The following GOSR1 variants were observed in gnomAD, a reference collection of about 807,000 sequenced individuals.
The protein encoded by GOSR1 is golgi SNAP receptor complex member 1, also known as 28 kDa Golgi SNARE protein.
Under a neutral mutation model 35.5 loss-of-function variants are expected in GOSR1, and 21 were observed. The ratio of observed to expected loss-of-function variants is 0.59; its 90% confidence interval spans 0.42 to 0.85. The LOEUF is 0.85. Ranked by LOEUF, GOSR1 falls within the 40% of genes least tolerant of loss-of-function variation. GOSR1 has a pLI of 0.00. For synonymous variants in GOSR1, 94 were observed against 106.6 expected, an observed-to-expected ratio of 0.88 and a Z score of 0.73; for missense variants, 285 against 309.6, an observed-to-expected ratio of 0.92 and a Z score of 0.60.
intron 6 of GOSR1, among the ~76,000 whole-genome samples, chr17:30,494,988 G>A (rs1412092765): frequency 6.7e-6 from 1 of 149,922 alleles, no homozygotes; most frequent in East Asian, 2.0e-4. Flanking sequence ...AAGATATATG[G>A]CTTTTTCTGG....
rs573688626 is a variant in GOSR1, at chr17:30,495,822, C to T, written c.509+3069C>T. ...CAGCCCAATCCAGTCTGTTGTTCTA[C>T]TTCTGTATGAGAGGGCTAAAGAAAA... On this transcript the variant is annotated intron_variant, in intron 6 of 8. Coordinates refer to ENST00000451249, the MANE Select transcript of GOSR1 (RefSeq NM_001007025.2). Among the ~76,000 whole-genome samples, 13 of 152,350 alleles carry T rather than the reference C, an allele frequency of 8.5e-5. No individual in the cohort carries two copies. The East Asian group carries it at 1.7e-3, about 20-fold the overall frequency.
chr17:30,482,846 A>C (rs955451235), intron 2 of GOSR1: 1 of 152,178 alleles, frequency 6.6e-6, no homozygotes, highest in East Asian at 1.9e-4. Flanking sequence ...CTTTCTATGC[A>C]TTTTCTATGT....
rs1362406392 is a variant in GOSR1, at chr17:30,480,609, G to A, written c.32-534G>A. On this transcript the variant is annotated intron_variant, in intron 1 of 8. Coordinates refer to ENST00000451249, the MANE Select transcript of GOSR1 (RefSeq NM_001007025.2). ...CTAGCCATCTTTGGAGTAAAGCTGC[G>A]AAGTTGCATCTACCATTACTATTTC... Among the ~76,000 whole-genome samples, 5 of 152,062 alleles carry A rather than the reference G, an allele frequency of 3.3e-5. No individual in the cohort carries two copies. In the South Asian group the frequency reaches 6.2e-4, roughly 19 times the overall value.
intron 1 of GOSR1, 69 bp downstream of exon 1, chr17:30,477,533 GA>G: frequency 6.5e-7 from 1 of 1,547,280 alleles, no homozygotes; most frequent in Non-Finnish European, 8.8e-7. Context: ...CAGATCTTGG[GA>G]GAAGCAGCAC....
At chr17:30,508,004 A>C (rs1967469634) in intron 6 of GOSR1, among the ~76,000 whole-genome samples, 1 of 152,170 alleles carries the variant, frequency 6.6e-6, no homozygotes, top group African/African-American at 2.4e-5. Flanking sequence ...CTGGGGGCAA[A>C]ATGCTACCAA....
chr17:30,508,991 T>C (rs1474402561), intron 6 of GOSR1, among the ~76,000 whole-genome samples: 1 of 152,128 alleles, frequency 6.6e-6, no homozygotes, highest in Non-Finnish European at 1.5e-5. Context: ...TTTTTTTTTT[T>C]CCTGAGACGG....
At chr17:30,522,218 T>A in intron 8 of GOSR1, 36 bp from the exon 9 acceptor site, 1 of 1,561,018 alleles carries the variant, frequency 6.4e-7, no homozygotes, top group Non-Finnish European at 8.7e-7. Context: ...CAGAGAGGCT[T>A]CTTCCAAATA....
chr17:30,492,531 G>A (rs1915111308), intron 5 of GOSR1, 148 bp from the exon 6 acceptor site: 2 of 537,606 alleles, frequency 3.7e-6, no homozygotes, highest in East Asian at 6.0e-5. Context: ...ACATTTTTCA[G>A]AGGGAAATGC....
Position 30,492,772 on chromosome 17 carries a change from T to G in GOSR1, c.509+19T>G. ...TTCGAAAGTAGGTATTGAATGTATG[T>G]GCATTATGTGGTTTTCCACGTTTAT... On this transcript the variant is annotated intron_variant, in intron 6 of 8. Transcript: ENST00000451249. 1 of 1,406,060 alleles carries G rather than the reference T, an allele frequency of 7.1e-7. No individual in the cohort carries two copies. The highest frequency in any genetic ancestry group is 2.3e-5 in the East Asian group (1 of 43,820). The allele number at this position is 1,406,060 out of a possible 1,614,324, so 87.1% of individuals were successfully genotyped here.
At chr17:30,484,123 T>C (rs1162423775) in intron 2 of GOSR1, 91 bp from the exon 3 acceptor site, 1 of 745,234 alleles carries the variant, frequency 1.3e-6, no homozygotes, top group Non-Finnish European at 2.5e-6. Context: ...ATAATTCATT[T>C]TATGGCTCCT....
intron 6 of GOSR1, among the ~76,000 whole-genome samples, chr17:30,501,277 G>A (rs2143780930): frequency 6.6e-6 from 1 of 152,220 alleles, no homozygotes; most frequent in Admixed American, 6.5e-5. Flanking sequence ...TTAAGCATGT[G>A]AAAAGATACT....
At chr17:30,517,934 TC>T (rs1171556558) in intron 7 of GOSR1, among the ~76,000 whole-genome samples, 2 of 152,204 alleles carry the variant, frequency 1.3e-5, no homozygotes, top group African/African-American at 4.8e-5. Flanking sequence ...CCCAGATAGA[TC>T]CAGCTATGAG....
chr17:30,499,104 T>C (rs935867239), intron 6 of GOSR1, among the ~76,000 whole-genome samples: 2 of 152,218 alleles, frequency 1.3e-5, no homozygotes, highest in African/African-American at 4.8e-5. Flanking sequence ...AATGAATTCA[T>C]ACAGTCTGCA....
At chr17:30,508,447 C>T (rs1475813585) in intron 6 of GOSR1, among the ~76,000 whole-genome samples, 6 of 152,118 alleles carry the variant, frequency 3.9e-5, no homozygotes, top group African/African-American at 1.4e-4. Context: ...AGGTATTAAC[C>T]CAAGTTAACC....
intron 6 of GOSR1, among the ~76,000 whole-genome samples, chr17:30,495,768 T>C (rs557665721): frequency 1.6e-4 from 24 of 152,380 alleles, no homozygotes; most frequent in African/African-American, 5.8e-4. Context: ...CCTGTGCCCC[T>C]GTCTTCCTGC....
At chr17:30,502,925 T>A (rs1385507777) in intron 6 of GOSR1, among the ~76,000 whole-genome samples, 7 of 152,234 alleles carry the variant, frequency 4.6e-5, no homozygotes, top group African/African-American at 1.7e-4. Context: ...ATCTTAAGGA[T>A]CTCTCTGGTT....
At position 30,524,412 on chromosome 17, in the gene GOSR1, T is replaced by C. The variant is rs1198857730; in HGVS notation, c.*2034T>C. On this transcript the variant is annotated 3_prime_UTR_variant, in exon 9 of 9. Coordinates refer to ENST00000451249, the MANE Select transcript of GOSR1 (RefSeq NM_001007025.2). Reference sequence around the variant, plus strand: ...CAGCTTCAGCATGTTTGAGGTTGTCTGAAATGGAGATCACTGTAAAACTGT... The same window carrying C: ...CAGCTTCAGCATGTTTGAGGTTGTCCGAAATGGAGATCACTGTAAAACTGT... 2 of 152,226 alleles carry C rather than the reference T, an allele frequency of 1.3e-5. No individual in the cohort carries two copies. The highest frequency in any genetic ancestry group is 4.8e-5 in the African/African-American group (2 of 41,454). The allele number at this position is 152,226 out of a possible 1,614,324, so 9.4% of individuals were successfully genotyped here.
chr17:30,489,891 C>T (rs1914930612), intron 4 of GOSR1, among the ~76,000 whole-genome samples: 1 of 152,072 alleles, frequency 6.6e-6, no homozygotes, highest in Non-Finnish European at 1.5e-5. Context: ...CTAGGAGGTA[C>T]AAAGGATAGT....
intron 4 of GOSR1, among the ~76,000 whole-genome samples, chr17:30,486,220 A>G (rs1171278843): frequency 1.3e-5 from 2 of 152,082 alleles, no homozygotes; most frequent in East Asian, 3.9e-4. Context: ...AGACAGTAAA[A>G]AGAAATGAAA....
Sources: allele counts gnomAD v4.1 joint callset (sites outside exome capture counted in the v4.1 genomes callset), GRCh38; gene constraint gnomAD v4.1.1; transcripts MANE v1.5; gene names NCBI Gene and HGNC (gene_info 2026-07-23, HGNC 2026-07-21).